The following ARHGEF26 variants were observed in gnomAD, a reference collection of about 807,000 sequenced individuals.
ARHGEF26 encodes the protein Rho guanine nucleotide exchange factor 26, also known as Rho guanine nucleotide exchange factor (GEF) 26.
Under a neutral mutation model 89.4 loss-of-function variants are expected in ARHGEF26, and 59 were observed. The observed-to-expected ratio is 0.66, with a 90% CI of 0.54 to 0.82. ARHGEF26 has a LOEUF of 0.82. Among genes scored for constraint, ARHGEF26 ranks in the 40% least tolerant of loss-of-function variants. The pLI is 0.00. For synonymous variants in ARHGEF26, 500 were observed against 428.4 expected (o/e 1.17, Z -2.06); for missense variants, 1,234 against 1,085.6 (o/e 1.14, Z -1.92).
At chr3:154,158,337 C>T (rs943875373) in intron 6 of ARHGEF26, among the ~76,000 whole-genome samples, 1 of 152,190 alleles carries the variant, frequency 6.6e-6, no homozygotes, top group Non-Finnish European at 1.5e-5. Flanking sequence ...TAACACCTTC[C>T]TGTTACTCTG....
Position 154,256,267 on chromosome 3 carries a change from G to A in ARHGEF26, c.*794G>A. ...CTTTTTTCCCCACCTCTGTCGCCCAGGCTAGAGTATAGTGGTGTGATCTTG... is the reference window on the plus strand; with the variant it reads ...CTTTTTTCCCCACCTCTGTCGCCCAAGCTAGAGTATAGTGGTGTGATCTTG... On this transcript the variant is annotated 3_prime_UTR_variant, in exon 15 of 15. Coordinates refer to ENST00000465093, the MANE Select transcript of ARHGEF26 (RefSeq NM_015595.4). 6 of 984,800 alleles carry A rather than the reference G, an allele frequency of 6.1e-6. No homozygotes were observed. Among genetic ancestry groups the A allele is most frequent in the Non-Finnish European group, 7.2e-6 (6 of 829,428 alleles). 61.0% of individuals were successfully genotyped at this position (984,800 alleles called of 1,614,324 possible). A position where few individuals can be genotyped will look rare whatever the true frequency, so the allele number is the denominator to read the frequency against.
At chr3:154,216,492 A>ATTT (rs1428596973) in intron 9 of ARHGEF26, among the ~76,000 whole-genome samples, 6 of 129,008 alleles carry the variant, frequency 4.7e-5, no homozygotes, top group Admixed American at 1.5e-4. Flanking sequence ...TTTTTTTTTT[A>ATTT]TTTTTTTTTA....
chr3:154,211,449 G>C (rs1047593633), intron 9 of ARHGEF26, among the ~76,000 whole-genome samples: 3 of 149,642 alleles, frequency 2.0e-5, no homozygotes, highest in African/African-American at 7.4e-5. Flanking sequence ...TGTCACAATT[G>C]CTGTGTTTTC....
chr3:154,208,689 T>C (rs1175664524), intron 9 of ARHGEF26, among the ~76,000 whole-genome samples: 1 of 151,720 alleles, frequency 6.6e-6, no homozygotes, highest in Non-Finnish European at 1.5e-5. Flanking sequence ...GTCTTCAAGC[T>C]CACTAATTTT....
chr3:154,132,228 AAAAT>A (rs200548854), intron 4 of ARHGEF26, among the ~76,000 whole-genome samples: 2,063 of 152,310 alleles, frequency 0.014, 38 homozygotes, highest in African/African-American at 0.047. Context: ...GAAAAATTAA[AAAAT>A]AAATAAAGTT....
At chr3:154,212,273 A>G (rs1715419860) in intron 9 of ARHGEF26, among the ~76,000 whole-genome samples, 1 of 151,674 alleles carries the variant, frequency 6.6e-6, no homozygotes, top group South Asian at 2.1e-4. Context: ...TGATCATGCC[A>G]TGATAGACCC....
chr3:154,219,118 C>A (rs925048285), intron 10 of ARHGEF26, among the ~76,000 whole-genome samples: 1 of 152,118 alleles, frequency 6.6e-6, no homozygotes, highest in Admixed American at 6.6e-5. Context: ...ATTAAAAAAC[C>A]CATCTTTCTC....
At chr3:154,148,370 A>G (rs1483328923) in intron 4 of ARHGEF26, among the ~76,000 whole-genome samples, 2 of 152,214 alleles carry the variant, frequency 1.3e-5, no homozygotes, top group Non-Finnish European at 2.9e-5. Context: ...TGTTAGTATT[A>G]GTGAAAGATT....
chr3:154,133,235 T>C (rs1021697915), intron 4 of ARHGEF26, among the ~76,000 whole-genome samples: 4 of 152,176 alleles, frequency 2.6e-5, no homozygotes, highest in Admixed American at 6.5e-5. Context: ...TTGGTTTCAT[T>C]GGACCATGCT....
intron 9 of ARHGEF26, among the ~76,000 whole-genome samples, chr3:154,213,661 G>A (rs1715543251): frequency 6.6e-6 from 1 of 152,088 alleles, no homozygotes; most frequent in African/African-American, 2.4e-5. Context: ...TTGGCCTGGT[G>A]TGCTGGCTCA....
chr3:154,123,567 A>G (rs1718135904), intron 2 of ARHGEF26, among the ~76,000 whole-genome samples: 1 of 152,204 alleles, frequency 6.6e-6, no homozygotes, highest in Admixed American at 6.5e-5. Context: ...AGTGGTTACT[A>G]CGCACTTGAT....
At chr3:154,229,798 TA>T (rs1474860895) in intron 11 of ARHGEF26, among the ~76,000 whole-genome samples, 6 of 152,170 alleles carry the variant, frequency 3.9e-5, no homozygotes, top group Non-Finnish European at 8.8e-5. Context: ...TAAACTAAAC[TA>T]GCTTTGCCTT....
chr3:154,129,045 A>G (rs1033981046), intron 3 of ARHGEF26, among the ~76,000 whole-genome samples: 13 of 152,168 alleles, frequency 8.5e-5, no homozygotes, highest in African/African-American at 3.1e-4. Context: ...TTTCTAAGTA[A>G]CAGTTGAATG....
At chr3:154,206,719 A>G (rs1235943295) in intron 9 of ARHGEF26, among the ~76,000 whole-genome samples, 1 of 152,180 alleles carries the variant, frequency 6.6e-6, no homozygotes, top group Non-Finnish European at 1.5e-5. Flanking sequence ...TGCTTTTATT[A>G]TTAAACTGCC....
intron 11 of ARHGEF26, among the ~76,000 whole-genome samples, chr3:154,232,842 C>G (rs1028575474): frequency 7.0e-6 from 1 of 143,784 alleles, no homozygotes; most frequent in South Asian, 2.2e-4. Flanking sequence ...TTCTTTCTTT[C>G]TTTTTTTTTT....
chr3:154,194,705 A>G lies in ARHGEF26; in HGVS notation c.1832A>G (p.Lys611Arg). 1.9e-6 allele frequency: 3 copies of G among 1,612,484 alleles called. No individual in the cohort carries two copies. In the South Asian group the frequency reaches 3.3e-5, roughly 18 times the overall value. ...TATGAAGTCTGCAAAAGAGCCTTGA[A>G]GGAAGTTAGCAAGGTAACTGTTGGG... ...PKYEVCKRAL[K>R]EVSKLVRLCN... Residue 611 changes from lysine to arginine, a missense_variant, in exon 9 of 15, where the codon AAG (lysine) becomes AGG (arginine). By Grantham distance (26) the Lys-to-Arg change is conservative. Coordinates refer to ENST00000465093, the MANE Select transcript of ARHGEF26 (RefSeq NM_015595.4).
At chr3:154,239,920 G>A (rs1717385378) in intron 11 of ARHGEF26, among the ~76,000 whole-genome samples, 3 of 152,062 alleles carry the variant, frequency 2.0e-5, no homozygotes, top group Non-Finnish European at 4.4e-5. Context: ...GCAGACCTCT[G>A]GGGCTCTTCT....
chr3:154,129,494 G>T, intron 3 of ARHGEF26, 80 bp from the exon 4 acceptor site: 1 of 1,436,122 alleles, frequency 7.0e-7, no homozygotes, highest in Non-Finnish European at 9.4e-7. Context: ...CCAAACATTG[G>T]GTACATATGA....
chr3:154,228,268 G>T (rs1716613069), intron 11 of ARHGEF26, among the ~76,000 whole-genome samples: 1 of 151,662 alleles, frequency 6.6e-6, no homozygotes, highest in Admixed American at 6.6e-5. Flanking sequence ...CTCCTGAGTA[G>T]CTGGGATTAC....
Sources: allele counts gnomAD v4.1 joint callset (sites outside exome capture counted in the v4.1 genomes callset), GRCh38; gene constraint gnomAD v4.1.1; transcripts MANE v1.5; gene names NCBI Gene and HGNC (gene_info 2026-07-23, HGNC 2026-07-21).